Variants in MXRA8 observed in about 807,000 individuals in gnomAD.
The protein encoded by MXRA8 is matrix remodeling-associated protein 8.
In MXRA8, 44 loss-of-function variants were observed where a neutral mutation model predicts 51.4. That is an observed-to-expected ratio of 0.86 (90% CI 0.67 to 1.10). The LOEUF is 1.10. MXRA8 is among the 50% of genes least tolerant of loss of function. The pLI, the probability that MXRA8 is intolerant of heterozygous loss-of-function variation, is 0.00. For missense variants in MXRA8, 765 were observed against 638.9 expected (o/e 1.20, Z -2.13); for synonymous variants, 369 against 293.5 (o/e 1.26, Z -2.63).
Position 1,353,608 on chromosome 1 carries a change from T to G in MXRA8, c.1325A>C (p.Lys442Thr), listed in dbSNP as rs1644048795. The G allele has an allele frequency of 6.4e-7, 1 of 1,562,442 alleles. No homozygotes were observed. Among genetic ancestry groups the G allele is most frequent in the Admixed American group, 1.9e-5 (1 of 52,590 alleles). Residue 442 changes from lysine (K) to threonine (T), a missense_variant, in exon 10 of 10, where the codon AAA becomes ACA. Lys to Thr is a moderately conservative substitution (Grantham distance 78). Coordinates refer to ENST00000309212, the MANE Select transcript of MXRA8 (RefSeq NM_032348.4). ...LDKGFRKENC[K>T] ...AGCCAGGAGCCCAGGGCCTCCCTATTTGCAGTTCTCCTTCCGGAACCCTGG... is the reference window on the plus strand; with the variant it reads ...AGCCAGGAGCCCAGGGCCTCCCTATGTGCAGTTCTCCTTCCGGAACCCTGG...
chr1:1,359,000 A>G (rs1299882318), upstream of MXRA8: 1 of 985,316 alleles, frequency 1.0e-6, no homozygotes, highest in Admixed American at 6.1e-5. Context: ...CCCACGGTGC[A>G]CGCTGGTGCT....
At position 1,355,566 on chromosome 1, in the gene MXRA8, C is replaced by T; in HGVS notation, c.260G>A (p.Arg87His). 1 of 1,480,930 alleles carries T rather than the reference C, an allele frequency of 6.8e-7. No homozygotes were observed. The highest frequency in any genetic ancestry group is 8.9e-7 in the Non-Finnish European group (1 of 1,123,538). 91.7% of individuals were successfully genotyped at this position (1,480,930 alleles called of 1,614,324 possible). Residue 87 changes from arginine (R) to histidine (H), a missense_variant, in exon 3 of 10, where the codon CGC (arginine) becomes CAC (histidine). Arg to His is a conservative substitution (Grantham distance 29). Transcript: ENST00000309212. ...LRGPGGGPAR[R>H]LLDLYSAGEQ... ...GCCCGCCGAGTACAAGTCCAGCAGG[C>T]GCCGCGCGGGGCCACCCCCGGGGCC... is the stretch of plus-strand genomic sequence containing the variant.
At chr1:1,358,404 C>T (rs907944838) in intron 1 of MXRA8, 52 bp downstream of exon 1, 32 of 1,558,404 alleles carry the variant, frequency 2.1e-5, no homozygotes, top group East Asian at 1.6e-4. Context: ...GAAACGGACT[C>T]GCACAGCCCC....
rs757002738 is a variant in MXRA8 at position 1,356,664 on chromosome 1, G to T, written c.73+17C>A. ...GAGGGGGAGTGGGGGTGGGCAGCTG[G>T]GGCTGGGGTCACTAACCTGAGTGCA... On this transcript the variant is annotated intron_variant, in intron 2 of 9. Coordinates refer to ENST00000309212, the MANE Select transcript of MXRA8 (RefSeq NM_032348.4). The T allele has an allele frequency of 7.3e-7, 1 of 1,376,732 alleles. No homozygotes were observed. Among genetic ancestry groups the T allele is most frequent in the East Asian group, 2.8e-5 (1 of 35,854 alleles). 85.3% of individuals were successfully genotyped at this position (1,376,732 alleles called of 1,614,324 possible).
intron 6 of MXRA8, 39 bp from the exon 7 acceptor site, chr1:1,354,271 T>C: frequency 1.9e-6 from 3 of 1,605,904 alleles, no homozygotes; most frequent in Admixed American, 3.4e-5. Context: ...TGCCGCCCCT[T>C]CCGCAGGTCC....
upstream of MXRA8, chr1:1,359,203 G>T (rs971661575): frequency 2.0e-5 from 20 of 985,276 alleles, no homozygotes; most frequent in Admixed American, 8.6e-4. Context: ...TGGGGGTGCT[G>T]GGGTGAGCAG....
chr1:1,355,784 G>T, intron 2 of MXRA8, 32 bp from the exon 3 acceptor site: 2 of 1,246,306 alleles, frequency 1.6e-6, no homozygotes, highest in South Asian at 5.2e-5. Context: ...TGGGGGAAGG[G>T]GTGGGCCCCC....
chr1:1,359,733 C>G (rs993277432), upstream of MXRA8, among the ~76,000 whole-genome samples: 3 of 152,242 alleles, frequency 2.0e-5, no homozygotes, highest in Non-Finnish European at 2.9e-5. Context: ...CACCCCAGCC[C>G]GGTCAGACCC....
intron 2 of MXRA8, among the ~76,000 whole-genome samples, chr1:1,356,417 G>A (rs1644133497): frequency 7.0e-6 from 1 of 143,706 alleles, no homozygotes; most frequent in Admixed American, 6.8e-5. Context: ...GGGCATCTGT[G>A]GGGGAGGGGT....
Position 1,355,325 on chromosome 1 carries a change from C to G in MXRA8, c.397G>C (p.Gly133Arg), listed in dbSNP as rs765601669. Residue 133 changes from glycine (G) to arginine (R), a missense_variant, in exon 4 of 10, where the codon GGG (glycine) becomes CGG (arginine). Transcript: ENST00000309212. ...TGGTGCAGGTTGCAGGTGTACAGCC[C>G]CGCGTCCGTCTCCTCCACCGCTGCG... ...LIRAVEETDA[G>R]LYTCNLHHHY... The G allele has an allele frequency of 6.3e-7, 1 of 1,577,588 alleles. No homozygotes were observed. Among genetic ancestry groups the G allele is most frequent in the Admixed American group, 1.8e-5 (1 of 56,302 alleles).
chr1:1,358,810 C>T (rs1644183156), upstream of MXRA8: 2 of 1,143,208 alleles, frequency 1.7e-6, no homozygotes, highest in Non-Finnish European at 1.1e-6. Flanking sequence ...CCTGATACCA[C>T]GTGATCGTGT....
intron 1 of MXRA8, among the ~76,000 whole-genome samples, chr1:1,357,758 C>T (rs542623629): frequency 1.1e-4 from 16 of 152,236 alleles, no homozygotes; most frequent in African/African-American, 1.9e-4. Context: ...TGCAGTGAGC[C>T]GAGATCACGC....
rs1644032273 is a variant in MXRA8 at position 1,352,935 on chromosome 1, C to T, written c.*669G>A. On this transcript the variant is annotated 3_prime_UTR_variant, in exon 10 of 10. Coordinates refer to ENST00000309212, the MANE Select transcript of MXRA8 (RefSeq NM_032348.4). ...ACTATCAAGGTGGCTGAGAGCAAGG[C>T]TAGGGTAGGGATGGGGCAGAGAAAG... 1 of 380,552 alleles carries T rather than the reference C, an allele frequency of 2.6e-6. No individual in the cohort carries two copies. The highest frequency in any genetic ancestry group is 4.8e-6 in the Non-Finnish European group (1 of 208,514). The allele number at this position is 380,552 out of a possible 1,614,324, so 23.6% of individuals were successfully genotyped here.
chr1:1,355,790 C>T (rs1313750567), intron 2 of MXRA8, 38 bp from the exon 3 acceptor site: 8 of 1,161,072 alleles, frequency 6.9e-6, no homozygotes, highest in Non-Finnish European at 6.5e-6. Flanking sequence ...AAGGGGTGGG[C>T]CCCCTAGGGC....
upstream of MXRA8, among the ~76,000 whole-genome samples, chr1:1,362,010 A>G (rs142389879): frequency 1.8e-4 from 27 of 152,364 alleles, no homozygotes; most frequent in East Asian, 5.0e-3. Context: ...AAAACAAAAG[A>G]AAATGTGTTA....
In MXRA8 at chr1:1,354,047, C is replaced by T. The variant is rs370016336; in HGVS notation, c.1205G>A (p.Ser402Asn). ...VAAGDQMLYR[S>N]EDIQLDYKNN... ...TGCCTCACCTAGCTGGATGTCCTCA[C>T]TCCTGTAAAGCATCTGGTCCCCTGC... Residue 402 changes from serine to asparagine, a missense_variant, in exon 8 of 10, where the codon AGT (serine) becomes AAT (asparagine). Coordinates refer to ENST00000309212, the MANE Select transcript of MXRA8 (RefSeq NM_032348.4). 83 of 1,612,872 alleles carry T rather than the reference C, an allele frequency of 5.1e-5. No homozygotes were observed. The highest frequency in any genetic ancestry group is 6.8e-5 in the Non-Finnish European group (80 of 1,180,000).
rs529960642 is a variant in MXRA8, at chr1:1,353,314, G to A, written c.*290C>T. 1.5e-5 allele frequency: 24 copies of A among 1,549,842 alleles called. No individual in the cohort carries two copies. In the Admixed American group the frequency reaches 1.6e-4, roughly 10 times the overall value. ...CCAGGAATGTCTTCAGGCCCCCAGC[G>A]GGCAGAGCCCAGAAGGGTCTGAGGG... is the stretch of plus-strand genomic sequence containing the variant. On this transcript the variant is annotated 3_prime_UTR_variant, in exon 10 of 10. Coordinates refer to ENST00000309212, the MANE Select transcript of MXRA8 (RefSeq NM_032348.4).
Position 1,353,080 on chromosome 1 carries a change from G to A in MXRA8, c.*524C>T, listed in dbSNP as rs142454705. 2 of 632,614 alleles carry A rather than the reference G, an allele frequency of 3.2e-6. No homozygotes were observed. Among genetic ancestry groups the A allele is most frequent in the East Asian group, 2.8e-5 (1 of 35,950 alleles). 39.2% of individuals were successfully genotyped at this position (632,614 alleles called of 1,614,324 possible). A position where few individuals can be genotyped will look rare whatever the true frequency, so the allele number is the denominator to read the frequency against. On this transcript the variant is annotated 3_prime_UTR_variant, in exon 10 of 10. Transcript: ENST00000309212. ...TGGAGTCCCACATGGTGGTACAGGT[G>A]GGGGAGCTCTCGGTGGCAGGCAGCA...
Position 1,355,311 on chromosome 1 carries a change from G to A in MXRA8, c.411C>T (p.Cys137=), listed in dbSNP as rs1160119802. The A allele has an allele frequency of 6.3e-7, 1 of 1,580,468 alleles. No individual in the cohort carries two copies. Among genetic ancestry groups the A allele is most frequent in the Non-Finnish European group, 8.6e-7 (1 of 1,166,680 alleles). Residue 137 remains cysteine, a synonymous_variant, in exon 4 of 10, where the codon TGC becomes TGT. Transcript: ENST00000309212. Reference sequence around the variant, plus strand: ...GGTGGCAGTAGTGATGGTGCAGGTTGCAGGTGTACAGCCCCGCGTCCGTCT... The same window carrying A: ...GGTGGCAGTAGTGATGGTGCAGGTTACAGGTGTACAGCCCCGCGTCCGTCT... ...VEETDAGLYT[C]NLHHHYCHLY... is the part of the protein sequence containing the mutation.
Sources: allele counts gnomAD v4.1 joint callset (sites outside exome capture counted in the v4.1 genomes callset), GRCh38; gene constraint gnomAD v4.1.1; transcripts MANE v1.5; gene names NCBI Gene and HGNC (gene_info 2026-07-23, HGNC 2026-07-21).